Variants in CLSTN3 observed in about 807,000 individuals in gnomAD.
CLSTN3 encodes calsyntenin 3.
A neutral mutation model predicts 95.9 loss-of-function variants in CLSTN3; 36 were observed. The ratio of observed to expected loss-of-function variants is 0.38; its 90% CI spans 0.29 to 0.50. CLSTN3 has a LOEUF of 0.50. Ranked by LOEUF, CLSTN3 falls within the 20% of genes least tolerant of loss-of-function variation. The pLI, the probability that CLSTN3 is intolerant of heterozygous loss-of-function variation, is 0.95. For missense variants in CLSTN3, 1,084 were observed against 1,268.8 expected (o/e 0.85, Z 2.21); for synonymous variants, 481 against 504.0 (o/e 0.95, Z 0.61).
rs760117646 is a variant in CLSTN3, at chr12:7,142,920, G to A, written c.1592G>A (p.Ser531Asn). The change falls in exon 11 of 18, where the codon AGC becomes AAC. Residue 531 changes from serine (S) to asparagine (N), a missense_variant. Ser to Asn is a conservative substitution (Grantham distance 46). Coordinates refer to ENST00000266546, the MANE Select transcript of CLSTN3 (RefSeq NM_014718.4). ...HYFHGYLAGF[S>N]VRSGRLESRE... ...TTCCATGGCTACCTGGCTGGTTTCA[G>A]CGTGCGCTCAGGTCGCCTGGAGAGC... is the stretch of plus-strand genomic sequence containing the variant. The A allele has an allele frequency of 6.2e-7, 1 of 1,614,100 alleles. No individual in the cohort carries two copies. Among genetic ancestry groups the A allele is most frequent in the Non-Finnish European group, 8.5e-7 (1 of 1,179,998 alleles).
chr12:7,133,044 A>C lies in CLSTN3; in HGVS notation c.85A>C (p.Ile29Leu), dbSNP rs776667458. 6.2e-7 allele frequency: 1 copy of C among 1,613,868 alleles called. No homozygotes were observed. Among genetic ancestry groups the C allele is most frequent in the Admixed American group, 1.7e-5 (1 of 59,988 alleles). Residue 29 changes from isoleucine (I) to leucine (L), a missense_variant, in exon 2 of 18, where the codon ATT becomes CTT. Physicochemically the swap from Ile to Leu is conservative, Grantham distance 5 (BLOSUM62 2). Coordinates refer to ENST00000266546, the MANE Select transcript of CLSTN3 (RefSeq NM_014718.4). The surrounding 1 kb of genome is among the most constrained non-coding windows in gnomAD (Gnocchi z 4.7). ...GCCAGCCAACAAGCACAAGCCATGG[A>C]TTGAGGCAGAGTACCAGGGCATCGT... Reference protein sequence around the residue: ...CNKANKHKPWIEAEYQGIVME... With the variant: ...CNKANKHKPWLEAEYQGIVME...
chr12:7,129,157 C>CCTG, upstream of CLSTN3: 1 of 298,216 alleles, frequency 3.4e-6, no homozygotes, highest in Non-Finnish European at 6.7e-6. This position sits in a 1 kb window ranked among gnomAD's most constrained non-coding sequence, Gnocchi z 5.5. Flanking sequence ...CAGTGTTGGC[C>CCTG]TCCACCTCAT....
chr12:7,135,487 T>C lies in CLSTN3; in HGVS notation c.544T>C (p.Tyr182His), dbSNP rs1485191529. ...DCSPQYSQICYYEILTPNTPF... is the reference protein window; with the variant it reads ...DCSPQYSQICHYEILTPNTPF... ...CTCCCCCCAGTACAGCCAGATCTGC[T>C]ACTATGAGATTCTCACACCCAACAC... The change falls in exon 4 of 18, where the codon TAC becomes CAC. Residue 182 changes from tyrosine (Y) to histidine (H), a missense_variant. Coordinates refer to ENST00000266546, the MANE Select transcript of CLSTN3 (RefSeq NM_014718.4). 6.2e-7 allele frequency: 1 copy of C among 1,614,140 alleles called. No individual in the cohort carries two copies. Among genetic ancestry groups the C allele is most frequent in the Non-Finnish European group, 8.5e-7 (1 of 1,180,006 alleles).
At chr12:7,147,557 G>A (rs1371627150) in intron 12 of CLSTN3, among the ~76,000 whole-genome samples, 1 of 149,872 alleles carries the variant, frequency 6.7e-6, no homozygotes, top group Non-Finnish European at 1.5e-5. Context: ...TGTCGCCCAG[G>A]CTGGAGTGCA....
Position 7,137,219 on chromosome 12 carries a change from T to A in CLSTN3, c.1210+109T>A. ...ACAGGTCACTTCCCCTCTCTTCATTTGTGAGGTGCAAGTGCCAGGTGTGAT... is the reference window on the plus strand; with the variant it reads ...ACAGGTCACTTCCCCTCTCTTCATTAGTGAGGTGCAAGTGCCAGGTGTGAT... On this transcript the variant is annotated intron_variant, in intron 7 of 17. Transcript: ENST00000266546. This position sits in a 1 kb window ranked among gnomAD's most constrained non-coding sequence, Gnocchi z 4.4. The A allele has an allele frequency of 8.7e-7, 1 of 1,149,550 alleles. No individual in the cohort carries two copies. The highest frequency in any genetic ancestry group is 1.2e-6 in the Non-Finnish European group (1 of 824,298). The allele number at this position is 1,149,550 out of a possible 1,614,324, so 71.2% of individuals were successfully genotyped here. A position where few individuals can be genotyped will look rare whatever the true frequency, so the allele number is the denominator to read the frequency against.
At position 7,137,187 on chromosome 12, in the gene CLSTN3, A is replaced by G; in HGVS notation, c.1210+77A>G. 1 of 1,450,786 alleles carries G rather than the reference A, an allele frequency of 6.9e-7. No homozygotes were observed. Among genetic ancestry groups the G allele is most frequent in the Non-Finnish European group, 9.3e-7 (1 of 1,072,974 alleles). 89.9% of individuals were successfully genotyped at this position (1,450,786 alleles called of 1,614,324 possible). A position where few individuals can be genotyped will look rare whatever the true frequency, so the allele number is the denominator to read the frequency against. ...CGCCTCTGTCACTGCCCAGTGTGTG[A>G]CTGTGAACAGGTCACTTCCCCTCTC... On this transcript the variant is annotated intron_variant, in intron 7 of 17. Transcript: ENST00000266546. This position sits in a 1 kb window ranked among gnomAD's most constrained non-coding sequence, Gnocchi z 4.4.
rs1939527792 is a variant in CLSTN3 at position 7,141,612 on chromosome 12, TGGA to T, written c.1486+212_1486+214del. ...ATCCAATGGGTCATCACCTCTGACT[TGGA>T]GGAATTAACTTCTCACGCATCCCCA... is the stretch of plus-strand genomic sequence containing the variant. On this transcript the variant is annotated intron_variant, in intron 9 of 17. Coordinates refer to ENST00000266546, the MANE Select transcript of CLSTN3 (RefSeq NM_014718.4). This position sits in a 1 kb window ranked among gnomAD's most constrained non-coding sequence, Gnocchi z 4.1. Among the ~76,000 whole-genome samples the T allele has an allele frequency of 6.6e-6, 1 of 152,170 alleles. No homozygotes were observed. Among genetic ancestry groups the T allele is most frequent in the African/African-American group, 2.4e-5 (1 of 41,432 alleles).
chr12:7,130,362 G>A, upstream of CLSTN3: 1 of 1,382,438 alleles, frequency 7.2e-7, no homozygotes, highest in South Asian at 1.5e-5. Flanking sequence ...GCCCGGCTGT[G>A]CTGACGTCAT....
chr12:7,135,368 C>G lies in CLSTN3; in HGVS notation c.425C>G (p.Ala142Gly). ...CGGGTCAACGATGTGAACGAGTTTG[C>G]CCCAGTGTTTGTGGAACGGCTGTAT... Reference protein sequence around the residue: ...HVRVNDVNEFAPVFVERLYRA... With the variant: ...HVRVNDVNEFGPVFVERLYRA... Residue 142 changes from alanine (A) to glycine (G), a missense_variant, in exon 4 of 18, where the codon GCC becomes GGC. Coordinates refer to ENST00000266546, the MANE Select transcript of CLSTN3 (RefSeq NM_014718.4). 1 of 1,614,100 alleles carries G rather than the reference C, an allele frequency of 6.2e-7. No individual in the cohort carries two copies. Among genetic ancestry groups the G allele is most frequent in the Non-Finnish European group, 8.5e-7 (1 of 1,179,998 alleles).
Position 7,149,649 on chromosome 12 carries a change from G to A in CLSTN3, c.2201G>A (p.Arg734Gln), listed in dbSNP as rs200387988. ...CTGGACACAACCTCTCTGCAGCAGCGGGGGCTGGAGCTCACCAACACATCT... is the reference window on the plus strand; with the variant it reads ...CTGGACACAACCTCTCTGCAGCAGCAGGGGCTGGAGCTCACCAACACATCT... ...LLLDTTSLQQRGLELTNTSAY... is the reference protein window; with the variant it reads ...LLLDTTSLQQQGLELTNTSAY... The change falls in exon 14 of 18, where the codon CGG becomes CAG. Residue 734 changes from arginine (R) to glutamine (Q), a missense_variant. Transcript: ENST00000266546. The surrounding 1 kb of genome is among the most constrained non-coding windows in gnomAD (Gnocchi z 4.5). The A allele has an allele frequency of 5.0e-6, 8 of 1,614,136 alleles. No homozygotes were observed. Among genetic ancestry groups the A allele is most frequent in the East Asian group, 2.2e-5 (1 of 44,884 alleles).
chr12:7,129,821 C>T, upstream of CLSTN3: 6 of 985,632 alleles, frequency 6.1e-6, no homozygotes, highest in Non-Finnish European at 7.2e-6. The surrounding 1 kb of genome is among the most constrained non-coding windows in gnomAD (Gnocchi z 5.5). Context: ...GCGGCCGGTC[C>T]CGACAGGTGC....
In CLSTN3 at chr12:7,149,832, T is replaced by C. The variant is rs1939694132; in HGVS notation, c.2245+139T>C. ...TTTTGCATTTTCCTAGCCTGGAAGA[T>C]CCTCTGGCTTTGATTGTCCCTAGGG... On this transcript the variant is annotated intron_variant, in intron 14 of 17. Coordinates refer to ENST00000266546, the MANE Select transcript of CLSTN3 (RefSeq NM_014718.4). This position sits in a 1 kb window ranked among gnomAD's most constrained non-coding sequence, Gnocchi z 4.5. 2 of 764,374 alleles carry C rather than the reference T, an allele frequency of 2.6e-6. No individual in the cohort carries two copies. The highest frequency in any genetic ancestry group is 3.5e-5 in the African/African-American group (2 of 56,840). 47.3% of individuals were successfully genotyped at this position (764,374 alleles called of 1,614,324 possible). A position where few individuals can be genotyped will look rare whatever the true frequency, so the allele number is the denominator to read the frequency against.
intron 16 of CLSTN3, chr12:7,155,944 C>G: frequency 3.6e-6 from 1 of 279,174 alleles, no homozygotes; most frequent in Non-Finnish European, 7.0e-6. Context: ...GGCGCTGCAG[C>G]AGGGTGTGGG....
chr12:7,132,264 T>G, intron 1 of CLSTN3: 1 of 237,426 alleles, frequency 4.2e-6, no homozygotes, highest in East Asian at 1.2e-4. Context: ...GACATAGAAA[T>G]GTGTCGGTTT....
chr12:7,147,661 T>C (rs1188973898), intron 12 of CLSTN3, among the ~76,000 whole-genome samples: 4 of 151,492 alleles, frequency 2.6e-5, no homozygotes. Flanking sequence ...ACTACAAGCA[T>C]CTACCACCAC....
rs1341775750 is a variant in CLSTN3 at position 7,142,130 on chromosome 12, A to G, written c.1531A>G (p.Thr511Ala). Reference protein sequence around the residue: ...EKEKGDNSTDTTQGDPLSIHH... With the variant: ...EKEKGDNSTDATQGDPLSIHH... ...GGAAAAGGGAGACAACAGTACAGAC[A>G]CCACCCAAGGTACTCCGTGTGTAAG... is the stretch of plus-strand genomic sequence containing the variant. The change falls in exon 10 of 18, where the codon ACC becomes GCC. Residue 511 changes from threonine (T) to alanine (A), a missense_variant. Thr to Ala is a moderately conservative substitution (Grantham distance 58). Coordinates refer to ENST00000266546, the MANE Select transcript of CLSTN3 (RefSeq NM_014718.4). 3 of 1,609,106 alleles carry G rather than the reference A, an allele frequency of 1.9e-6. No individual in the cohort carries two copies. The highest frequency in any genetic ancestry group is 1.7e-6 in the Non-Finnish European group (2 of 1,176,812).
chr12:7,135,100 C>T (rs114026913), intron 3 of CLSTN3, among the ~76,000 whole-genome samples: 2,371 of 152,128 alleles, frequency 0.016, 58 homozygotes, highest in African/African-American at 0.054. Context: ...CAGTATAAGG[C>T]TGTATCTCGT....
At chr12:7,132,775 C>T (rs1391725176) in intron 1 of CLSTN3, 5 of 603,040 alleles carry the variant, frequency 8.3e-6, no homozygotes, top group Admixed American at 2.8e-5. Flanking sequence ...TCTTCACCCC[C>T]AGGGCAGGTT....
intron 12 of CLSTN3, 30 bp from the exon 13 acceptor site, chr12:7,148,942 A>C (rs1200227260): frequency 6.3e-7 from 1 of 1,590,830 alleles, no homozygotes; most frequent in South Asian, 1.1e-5. Flanking sequence ...TGTTGGGGTC[A>C]CATGCTGCTT....
Sources: gnomAD v4.1 joint callset for allele counts (sites outside exome capture counted in the v4.1 genomes callset) on GRCh38, gnomAD v4.1.1 for gene constraint, Gnocchi (gnomAD v3.1) non-coding constraint, MANE v1.5 for transcripts, NCBI Gene and HGNC (gene_info 2026-07-23, HGNC 2026-07-21) for gene names.